NLRP14: variants seen among roughly 807,000 people sequenced by gnomAD.
The protein encoded by NLRP14 is NACHT, LRR and PYD domains-containing protein 14.
A neutral mutation model predicts 94.7 loss-of-function variants in NLRP14; 105 were observed. That is an observed-to-expected ratio of 1.11 (90% CI 0.95 to 1.30). NLRP14 has a LOEUF of 1.30. Among genes scored for constraint, NLRP14 ranks in the 50% most tolerant of loss-of-function variants. NLRP14 has a pLI of 0.00. For synonymous variants in NLRP14, 508 were observed against 459.9 expected, an observed-to-expected ratio of 1.10 and a Z score of -1.34; for missense variants, 1,362 against 1,254.1, an observed-to-expected ratio of 1.09 and a Z score of -1.30.
chr11:7,063,365 G>A (rs184002300), intron 10 of NLRP14, among the ~76,000 whole-genome samples: 12 of 152,024 alleles, frequency 7.9e-5, no homozygotes, highest in African/African-American at 2.4e-4. Flanking sequence ...TTTGTCCCCC[G>A]AGTCTCACAG....
chr11:7,070,148 G>A, intron 10 of NLRP14, 138 bp from the exon 11 acceptor site: 2 of 673,592 alleles, frequency 3.0e-6, no homozygotes, highest in Admixed American at 2.2e-5. Flanking sequence ...GGTACTTATA[G>A]TCCTTGAATT....
Position 7,046,830 on chromosome 11 carries a change from A to G in NLRP14, c.2121A>G (p.Leu707=). 2.5e-6 allele frequency: 4 copies of G among 1,610,396 alleles called. No individual in the cohort carries two copies. Among genetic ancestry groups the G allele is most frequent in the Non-Finnish European group, 3.4e-6 (4 of 1,176,712 alleles). ...ACCCAAACTGTAAACTACAAAAGCT[A>G]CTGTAAGTCTGGTATGAGAAAATTT... ...LRHPNCKLQK[L]LLKFITFPDG... is the part of the protein sequence containing the mutation. The change falls in exon 5 of 12, where the codon CTA becomes CTG. Residue 707 remains leucine (L), a splice_region_variant and synonymous_variant. Coordinates refer to ENST00000299481, the MANE Select transcript of NLRP14 (RefSeq NM_176822.4).
At chr11:7,068,092 T>G (rs2119713676) in intron 10 of NLRP14, among the ~76,000 whole-genome samples, 1 of 152,294 alleles carries the variant, frequency 6.6e-6, no homozygotes, top group African/African-American at 2.4e-5. Context: ...TATTATTTGC[T>G]TAACTTCTTA....
At chr11:7,060,459 G>A (rs1022869174) in intron 9 of NLRP14, among the ~76,000 whole-genome samples, 4 of 151,230 alleles carry the variant, frequency 2.6e-5, no homozygotes, top group Admixed American at 1.3e-4. Context: ...AAAGAAATTG[G>A]GAAGGAGATT....
In NLRP14 at chr11:7,042,821, C is replaced by A. The variant is rs369912297; in HGVS notation, c.795C>A (p.Asn265Lys). The A allele has an allele frequency of 3.1e-5, 50 of 1,614,186 alleles. No homozygotes were observed. In the African/African-American group the frequency reaches 4.3e-4, roughly 14 times the overall value. Reference sequence around the variant, plus strand: ...TTATTGACAGTTTCGATGAACTGAACTTTGCCTTTGAAGAACCTGAGTTTG... The same window carrying A: ...TTATTGACAGTTTCGATGAACTGAAATTTGCCTTTGAAGAACCTGAGTTTG... ...LFIIDSFDEL[N>K]FAFEEPEFAL... is the part of the protein sequence containing the mutation. Residue 265 changes from asparagine to lysine, a missense_variant, in exon 4 of 12, where the codon AAC becomes AAA. Coordinates refer to ENST00000299481, the MANE Select transcript of NLRP14 (RefSeq NM_176822.4).
chr11:7,051,050 A>T (rs1360609715), intron 6 of NLRP14, among the ~76,000 whole-genome samples: 2 of 152,182 alleles, frequency 1.3e-5, no homozygotes, highest in Non-Finnish European at 2.9e-5. Context: ...ACTTGATAAG[A>T]TCCCTTCCAT....
At chr11:7,045,896 G>C (rs551983140) in intron 4 of NLRP14, among the ~76,000 whole-genome samples, 1 of 152,096 alleles carries the variant, frequency 6.6e-6, no homozygotes, top group East Asian at 1.9e-4. Context: ...CATTTATCAA[G>C]ATCATGAAGC....
chr11:7,079,171 TTCTC>T, the NLRP14 span, among the ~76,000 whole-genome samples: 1 of 152,242 alleles, frequency 6.6e-6, no homozygotes, highest in Non-Finnish European at 1.5e-5. Context: ...CTTTTTCTCT[TTCTC>T]TATGGTGGAT....
chr11:7,026,762 T>A lies in NLRP14; in HGVS notation c.-22+5992T>A, dbSNP rs1391837703. ...CAAAGACTTGGAACCAACCCAAATGTCCAACAATGATAGACTGGATTAAGA... is the reference window on the plus strand; with the variant it reads ...CAAAGACTTGGAACCAACCCAAATGACCAACAATGATAGACTGGATTAAGA... On this transcript the variant is annotated intron_variant, in intron 1 of 11. Transcript: ENST00000299481. Among the ~76,000 whole-genome samples the A allele has an allele frequency of 4.5e-5, 6 of 134,452 alleles. No homozygotes were observed. The East Asian group carries it at 1.3e-3, about 30-fold the overall frequency. The allele number at this position is 134,452 out of a possible 152,430, so 88.2% of individuals were successfully genotyped here. A position where few individuals can be genotyped will look rare whatever the true frequency, so the allele number is the denominator to read the frequency against.
chr11:7,070,479 G>A (rs752870316), intron 11 of NLRP14, 23 bp downstream of exon 11: 3 of 1,580,148 alleles, frequency 1.9e-6, no homozygotes, highest in Non-Finnish European at 2.6e-6. Flanking sequence ...TGGCTTCTCA[G>A]GGGGAGCATT....
downstream of NLRP14, among the ~76,000 whole-genome samples, chr11:7,075,546 T>C (rs1852865135): frequency 6.6e-6 from 1 of 152,228 alleles, no homozygotes; most frequent in South Asian, 2.1e-4. Context: ...TTAGAAGCAT[T>C]AGCATTTAAA....
chr11:7,081,002 G>T, the NLRP14 span, among the ~76,000 whole-genome samples: 1 of 152,050 alleles, frequency 6.6e-6, no homozygotes. Flanking sequence ...GTTGTCTTGG[G>T]ACAGAAATCT....
chr11:7,033,471 T>G (rs1852123313), intron 1 of NLRP14, among the ~76,000 whole-genome samples: 1 of 152,246 alleles, frequency 6.6e-6, no homozygotes, highest in African/African-American at 2.4e-5. Context: ...TTCACTAGTT[T>G]TTCCATAGTG....
intron 8 of NLRP14, among the ~76,000 whole-genome samples, chr11:7,059,422 A>T (rs561944788): frequency 7.2e-5 from 11 of 152,058 alleles, no homozygotes; most frequent in Non-Finnish European, 1.2e-4. Context: ...ATGTTAAATT[A>T]TTCCAAATTT....
chr11:7,049,625 G>T, intron 5 of NLRP14, 46 bp from the exon 6 acceptor site: 1 of 1,325,270 alleles, frequency 7.5e-7, no homozygotes. Context: ...TGTAACCAAG[G>T]AGAGAAATGG....
chr11:7,029,113 AAGTACAG>A, intron 1 of NLRP14, among the ~76,000 whole-genome samples: 1 of 152,198 alleles, frequency 6.6e-6, no homozygotes, highest in Non-Finnish European at 1.5e-5. Flanking sequence ...GGATTGATGT[AAGTACAG>A]ACAGGAAGAA....
At chr11:7,022,140 G>A (rs1409750117) in intron 1 of NLRP14, among the ~76,000 whole-genome samples, 1 of 152,164 alleles carries the variant, frequency 6.6e-6, no homozygotes, top group Non-Finnish European at 1.5e-5. Context: ...CCGGCCTAGA[G>A]CCTATCTGCC....
intron 1 of NLRP14, among the ~76,000 whole-genome samples, chr11:7,034,714 C>G (rs534836733): frequency 6.6e-6 from 1 of 152,300 alleles, no homozygotes; most frequent in African/African-American, 2.4e-5. Context: ...TGTGTCCAAA[C>G]TGGTAAGTCC....
chr11:7,042,677 T>C lies in NLRP14; in HGVS notation c.651T>C (p.Asn217=). 1 of 1,614,184 alleles carries C rather than the reference T, an allele frequency of 6.2e-7. No individual in the cohort carries two copies. The highest frequency in any genetic ancestry group is 1.3e-5 in the African/African-American group (1 of 75,050). ...QQRFKYVFYL[N]GREINQLKER... ...GGTTTAAGTATGTTTTTTATCTCAA[T>C]GGGAGAGAAATTAACCAGCTGAAAG... The change falls in exon 4 of 12, where the codon AAT becomes AAC. Residue 217 remains asparagine, a synonymous_variant. Coordinates refer to ENST00000299481, the MANE Select transcript of NLRP14 (RefSeq NM_176822.4).
Sources: allele counts gnomAD v4.1 joint callset (sites outside exome capture counted in the v4.1 genomes callset), GRCh38; gene constraint gnomAD v4.1.1; transcripts MANE v1.5; gene names NCBI Gene and HGNC (gene_info 2026-07-23, HGNC 2026-07-21).